Variants in EYA1 observed in about 807,000 individuals in gnomAD.
EYA1 encodes EYA transcriptional coactivator and phosphatase 1.
A neutral mutation model predicts 82.0 loss-of-function variants in EYA1; 16 were observed. The observed-to-expected ratio is 0.20, with a 90% CI of 0.13 to 0.30. EYA1 has a LOEUF of 0.30. EYA1 is among the 10% of genes least tolerant of loss of function. EYA1 has a pLI of 1.00. For synonymous variants in EYA1, 261 were observed against 264.4 expected (o/e 0.99, Z 0.12); for missense variants, 633 against 730.7 (o/e 0.87, Z 1.54).
At chr8:71,247,257 A>C (rs1177677025) in intron 11 of EYA1, among the ~76,000 whole-genome samples, 1 of 152,056 alleles carries the variant, frequency 6.6e-6, no homozygotes, top group Non-Finnish European at 1.5e-5. Flanking sequence ...ACCTTCCAGC[A>C]GCCCTAGAGG....
intron 3 of EYA1, among the ~76,000 whole-genome samples, chr8:71,341,816 A>G (rs1475745711): frequency 6.6e-6 from 1 of 152,214 alleles, no homozygotes; most frequent in South Asian, 2.1e-4. Context: ...ACACATCCAG[A>G]CTAAACTTGA....
At chr8:71,533,936 T>G (rs980755575) in intron 2 of EYA1, among the ~76,000 whole-genome samples, 45 of 152,250 alleles carry the variant, frequency 3.0e-4, no homozygotes, top group African/African-American at 1.1e-3. Flanking sequence ...CAAAATGAGA[T>G]GCAATTAGAT....
intron 2 of EYA1, among the ~76,000 whole-genome samples, chr8:71,408,021 C>A (rs1273711213): frequency 6.6e-6 from 1 of 151,698 alleles, no homozygotes; most frequent in Non-Finnish European, 1.5e-5. Flanking sequence ...AACAGCGGAT[C>A]TCTCGGCAGA....
chr8:71,501,659 T>C (rs1811813659), intron 2 of EYA1, among the ~76,000 whole-genome samples: 1 of 152,142 alleles, frequency 6.6e-6, no homozygotes, highest in South Asian at 2.1e-4. Context: ...AGAAGGAGCG[T>C]TCGCCTCTGG....
chr8:71,340,760 G>C (rs984118752), intron 3 of EYA1, among the ~76,000 whole-genome samples: 7 of 151,724 alleles, frequency 4.6e-5, no homozygotes, highest in Non-Finnish European at 8.8e-5. Flanking sequence ...GATCCTCTAA[G>C]ACCAAAAAAA....
intron 10 of EYA1, among the ~76,000 whole-genome samples, chr8:71,271,081 C>T (rs10106199): frequency 0.23 from 35,080 of 152,088 alleles, 4,425 homozygotes; most frequent in Admixed American, 0.29. Context: ...TTGCACTCTA[C>T]GCTGGGTGAC....
intron 2 of EYA1, among the ~76,000 whole-genome samples, chr8:71,498,399 C>T (rs909250475): frequency 2.0e-5 from 3 of 152,124 alleles, no homozygotes; most frequent in Non-Finnish European, 2.9e-5. Flanking sequence ...ATGAGAGAAC[C>T]TATTTGCATC....
At chr8:71,395,838 A>G (rs965249288) in intron 2 of EYA1, among the ~76,000 whole-genome samples, 7 of 152,160 alleles carry the variant, frequency 4.6e-5, no homozygotes, top group East Asian at 1.9e-4. Context: ...CTCTTTTTCT[A>G]TTGATTGGAA....
chr8:71,251,890 G>C (rs1274373600), intron 11 of EYA1, among the ~76,000 whole-genome samples: 1 of 151,832 alleles, frequency 6.6e-6, no homozygotes, highest in Non-Finnish European at 1.5e-5. Context: ...ATGTTAAAAA[G>C]GAAAAATATT....
intron 8 of EYA1, 135 bp downstream of exon 8, chr8:71,299,503 C>T: frequency 2.8e-6 from 2 of 724,888 alleles, no homozygotes; most frequent in Non-Finnish European, 4.8e-6. Flanking sequence ...CAAAAGACTG[C>T]TAAAGTGAAT....
chr8:71,541,698 G>A (rs1423422453), intron 1 of EYA1, among the ~76,000 whole-genome samples: 1 of 152,182 alleles, frequency 6.6e-6, no homozygotes, highest in Non-Finnish European at 1.5e-5. Context: ...GAGAACCACA[G>A]TCCTATAAAG....
At chr8:71,471,989 C>T (rs1027485103) in intron 2 of EYA1, among the ~76,000 whole-genome samples, 1 of 152,044 alleles carries the variant, frequency 6.6e-6, no homozygotes, top group African/African-American at 2.4e-5. Context: ...TCTAGTCATG[C>T]GAAAGGTGCC....
intron 9 of EYA1, among the ~76,000 whole-genome samples, chr8:71,274,627 C>T (rs369433546): frequency 3.3e-5 from 5 of 152,060 alleles, no homozygotes; most frequent in East Asian, 1.9e-4. Context: ...CCTGCCTTCT[C>T]GGAGCTTACA....
intron 12 of EYA1, among the ~76,000 whole-genome samples, chr8:71,237,803 G>A (rs912329020): frequency 6.6e-6 from 1 of 152,110 alleles, no homozygotes; most frequent in Non-Finnish European, 1.5e-5. Flanking sequence ...CAATATGTGT[G>A]TATATTCCTC....
intron 2 of EYA1, among the ~76,000 whole-genome samples, chr8:71,415,872 T>G (rs1464521494): frequency 6.6e-6 from 1 of 152,214 alleles, no homozygotes; most frequent in Non-Finnish European, 1.5e-5. Flanking sequence ...TAGCAGGATG[T>G]TTTTATTTAA....
At chr8:71,488,040 G>A (rs1243229042) in intron 2 of EYA1, among the ~76,000 whole-genome samples, 1 of 151,998 alleles carries the variant, frequency 6.6e-6, no homozygotes, top group Non-Finnish European at 1.5e-5. Flanking sequence ...AAAAAAAGGA[G>A]GGGGGAGACA....
intron 9 of EYA1, among the ~76,000 whole-genome samples, chr8:71,278,719 T>C (rs1817482477): frequency 6.6e-6 from 1 of 152,268 alleles, no homozygotes; most frequent in Non-Finnish European, 1.5e-5. Flanking sequence ...TTTTATGGAG[T>C]CTTGCTGCAC....
chr8:71,272,071 A>C (rs889376012), intron 9 of EYA1, among the ~76,000 whole-genome samples, 174 bp from the exon 10 acceptor site: 2 of 152,190 alleles, frequency 1.3e-5, no homozygotes, highest in African/African-American at 4.8e-5. Context: ...TCTGATTACA[A>C]GATTTGTTTT....
intron 12 of EYA1, among the ~76,000 whole-genome samples, chr8:71,218,366 T>C (rs7844308): frequency 0.067 from 10,247 of 152,144 alleles, 1,015 homozygotes; most frequent in African/African-American, 0.22. Flanking sequence ...TCTCTCTCCA[T>C]GGATTTGTGA....
Sources: allele counts gnomAD v4.1 joint callset (sites outside exome capture counted in the v4.1 genomes callset), GRCh38; gene constraint gnomAD v4.1.1; transcripts MANE v1.5; gene names NCBI Gene and HGNC (gene_info 2026-07-23, HGNC 2026-07-21).